The following MLLT10 variants were observed in gnomAD, a reference collection of about 807,000 sequenced individuals.
MLLT10 encodes MLLT10 histone lysine methyltransferase DOT1L cofactor, also known as protein AF-10.
A neutral mutation model predicts 129.1 loss-of-function variants in MLLT10; 30 were observed. That is an observed-to-expected ratio of 0.23 (90% CI 0.17 to 0.32). The LOEUF is 0.32. Among genes scored for constraint, MLLT10 ranks in the 10% least tolerant of loss-of-function variants. The probability of loss-of-function intolerance (pLI) is 1.00; values close to 1 mark genes in which losing one functional copy is unlikely to be tolerated. For synonymous variants in MLLT10, 490 were observed against 446.4 expected (o/e 1.10, Z -1.23); for missense variants, 1,119 against 1,268.3 (o/e 0.88, Z 1.79).
chr10:21,644,439 TGCAGTATAGAAGCTTGGGAGGAGGGGC>T (rs2048296896), intron 8 of MLLT10, among the ~76,000 whole-genome samples: 1 of 152,062 alleles, frequency 6.6e-6, no homozygotes, highest in Non-Finnish European at 1.5e-5. Flanking sequence ...GAATGAGGGG[TGCAGTATAGAAGCTTGGGAGGAGGGGC>T]GCAGTATAAG....
chr10:21,725,917 A>G (rs1398645834), intron 14 of MLLT10, among the ~76,000 whole-genome samples: 1 of 151,486 alleles, frequency 6.6e-6, no homozygotes, highest in African/African-American at 2.4e-5. Flanking sequence ...TGCACGGCTA[A>G]TTTTTTGTAT....
At chr10:21,581,612 G>C (rs113248383) in intron 3 of MLLT10, among the ~76,000 whole-genome samples, 1 of 152,226 alleles carries the variant, frequency 6.6e-6, no homozygotes, top group South Asian at 2.1e-4. Flanking sequence ...ACTGGATAAT[G>C]GGGGCAGTTT....
chr10:21,694,541 G>A (rs2054175073), intron 13 of MLLT10, among the ~76,000 whole-genome samples: 1 of 152,098 alleles, frequency 6.6e-6, no homozygotes, highest in Admixed American at 6.6e-5. Context: ...ATCAGTATGT[G>A]TTTAAGGATT....
chr10:21,676,075 A>G (rs1195943906), intron 11 of MLLT10, among the ~76,000 whole-genome samples: 4 of 152,170 alleles, frequency 2.6e-5, no homozygotes, highest in African/African-American at 4.8e-5. Flanking sequence ...ATTAGTTCAC[A>G]AAAATAAATG....
chr10:21,717,513 T>TCCA (rs1276201035), intron 14 of MLLT10, among the ~76,000 whole-genome samples: 2 of 45,992 alleles, frequency 4.3e-5, no homozygotes, highest in South Asian at 1.3e-3. Flanking sequence ...CTCCTCCTCC[T>TCCA]CCACCACCTC....
chr10:21,556,796 C>G, intron 3 of MLLT10: 1 of 1,583,116 alleles, frequency 6.3e-7, no homozygotes, highest in South Asian at 1.2e-5. Flanking sequence ...TTGGGCTTGT[C>G]TTACTACAGC....
intron 16 of MLLT10, among the ~76,000 whole-genome samples, chr10:21,730,021 AG>A (rs2057827121): frequency 1.3e-5 from 2 of 152,084 alleles, no homozygotes; most frequent in African/African-American, 4.8e-5. Context: ...CCCAGCAGTT[AG>A]ATAGAGAGGC....
intron 3 of MLLT10, among the ~76,000 whole-genome samples, chr10:21,545,030 A>T (rs565253227): frequency 6.6e-6 from 1 of 152,334 alleles, no homozygotes; most frequent in African/African-American, 2.4e-5. Flanking sequence ...CTGTAATCCC[A>T]GCTACTAGGG....
intron 14 of MLLT10, among the ~76,000 whole-genome samples, chr10:21,718,010 A>G (rs535381572): frequency 6.6e-6 from 1 of 150,400 alleles, no homozygotes; most frequent in East Asian, 2.0e-4. Flanking sequence ...ACGCCTGGCT[A>G]ATTTTTGTAT....
Position 21,577,667 on chromosome 10 carries a change from C to T in MLLT10, c.241-8627C>T, listed in dbSNP as rs1176839796. ...TTGTATTTTTGTAGAGATGGGGTTT[C>T]ACTATATTGGCTAGGCTAGTCTTGA... On this transcript the variant is annotated intron_variant, in intron 3 of 22. Coordinates refer to ENST00000307729, the MANE Select transcript of MLLT10 (RefSeq NM_001195626.3). 1.3e-5 allele frequency among the ~76,000 whole-genome samples: 2 copies of T among 151,834 alleles called. 1 individual carries two copies. Among genetic ancestry groups the T allele is most frequent in the South Asian group, 4.2e-4 (2 of 4,814 alleles).
intron 8 of MLLT10, among the ~76,000 whole-genome samples, chr10:21,651,277 G>C (rs1041642514): frequency 6.6e-6 from 1 of 152,012 alleles, no homozygotes; most frequent in South Asian, 2.1e-4. Context: ...TCACCGTGTT[G>C]GTCAGGCTGA....
intron 3 of MLLT10, among the ~76,000 whole-genome samples, chr10:21,545,886 C>T (rs1032931449): frequency 2.0e-5 from 3 of 151,552 alleles, no homozygotes; most frequent in African/African-American, 7.3e-5. Context: ...AGGCTGGTCT[C>T]GAACACCTGG....
At chr10:21,695,061 C>CTTTTTTT (rs71393922) in intron 13 of MLLT10, among the ~76,000 whole-genome samples, 4 of 104,034 alleles carry the variant, frequency 3.8e-5, no homozygotes, top group Non-Finnish European at 7.6e-5. Context: ...TTTCTACCTT[C>CTTTTTTT]TTTTTTTTTT....
At chr10:21,650,070 A>G (rs1355199259) in intron 8 of MLLT10, among the ~76,000 whole-genome samples, 2 of 152,180 alleles carry the variant, frequency 1.3e-5, no homozygotes, top group Non-Finnish European at 2.9e-5. Flanking sequence ...TACAAAAAGT[A>G]AAATAAAAAA....
chr10:21,616,219 A>G (rs747228126), intron 7 of MLLT10, among the ~76,000 whole-genome samples: 7 of 152,130 alleles, frequency 4.6e-5, no homozygotes, highest in Non-Finnish European at 8.8e-5. Context: ...GCATATTGAA[A>G]TACTCATTTT....
In MLLT10 at chr10:21,593,936, A is replaced by T. The variant is rs1433036514; in HGVS notation, c.296-1395A>T. ...CCAAGGCTTTGTCTTTAAAAAAAAA[A>T]AAAAAAAAAAAAAAAAAAAAAAGGT... On this transcript the variant is annotated intron_variant, in intron 4 of 22. Coordinates refer to ENST00000307729, the MANE Select transcript of MLLT10 (RefSeq NM_001195626.3). Among the ~76,000 whole-genome samples the T allele has an allele frequency of 2.2e-5, 3 of 139,316 alleles. No individual in the cohort carries two copies. In the East Asian group the frequency reaches 1.1e-3, roughly 51 times the overall value. 91.4% of individuals were successfully genotyped at this position (139,316 alleles called of 152,430 possible).
chr10:21,615,475 GA>G (rs796530703), intron 7 of MLLT10, among the ~76,000 whole-genome samples: 1,068 of 104,252 alleles, frequency 0.01, 12 homozygotes, highest in African/African-American at 0.03. Context: ...AAAAAAAAAA[GA>G]AAAAAAAAAA....
intron 20 of MLLT10, 62 bp from the exon 21 acceptor site, chr10:21,735,077 T>G (rs1275834837): frequency 8.2e-7 from 1 of 1,219,884 alleles, no homozygotes; most frequent in East Asian, 2.3e-5. Context: ...CTTTCATTTT[T>G]AGACTTCTAA....
At position 21,726,268 on chromosome 10, in the gene MLLT10, C is replaced by A. The variant is rs1220079829; in HGVS notation, c.1903C>A (p.Leu635Ile). The A allele has an allele frequency of 6.2e-7, 1 of 1,611,186 alleles. No homozygotes were observed. The highest frequency in any genetic ancestry group is 1.3e-5 in the African/African-American group (1 of 74,812). ...GGCAAATACTCTATCTGGATCTTCT[C>A]TCAGTCAGGCACCATCTCATATGTA... ...TQANTLSGSS[L>I]SQAPSHMYGN... The change falls in exon 15 of 23, where the codon CTC becomes ATC. Residue 635 changes from leucine to isoleucine, a missense_variant. Leu to Ile is a conservative substitution (Grantham distance 5). Around this residue, in one of 5 missense-constraint regions of MLLT10, gnomAD observed 1,004 missense variants for 1,008.7 expected, o/e 1.00. Transcript: ENST00000307729.
Sources: gnomAD v4.1 joint callset for allele counts (sites outside exome capture counted in the v4.1 genomes callset) on GRCh38, gnomAD v4.1.1 for gene constraint, gnomAD v4.1.1 regional missense constraint, MANE v1.5 for transcripts, NCBI Gene and HGNC (gene_info 2026-07-23, HGNC 2026-07-21) for gene names.